The following TMEM106B variants were observed in gnomAD, a reference collection of about 807,000 sequenced individuals.
TMEM106B encodes transmembrane protein 106B.
A neutral mutation model predicts 31.1 loss-of-function variants in TMEM106B; 15 were observed. The observed-to-expected ratio is 0.48, with a 90% CI of 0.32 to 0.74. The LOEUF (loss-of-function observed/expected upper bound fraction) is 0.74, where lower values mean the gene tolerates loss of function less well. TMEM106B is among the 30% of genes least tolerant of loss of function. The pLI, the probability that TMEM106B is intolerant of heterozygous loss-of-function variation, is 0.03. For missense variants in TMEM106B, 283 were observed against 327.3 expected, an observed-to-expected ratio of 0.86 and a Z score of 1.04; for synonymous variants, 126 against 112.5, an observed-to-expected ratio of 1.12 and a Z score of -0.76.
At chr7:12,220,525 A>G (rs1781767113) in intron 3 of TMEM106B, among the ~76,000 whole-genome samples, 1 of 152,204 alleles carries the variant, frequency 6.6e-6, no homozygotes, top group Non-Finnish European at 1.5e-5. Flanking sequence ...ACATTTGAAA[A>G]GATGTCCAAT....
chr7:12,220,814 G>A (rs1036287809), intron 3 of TMEM106B, among the ~76,000 whole-genome samples: 3 of 152,120 alleles, frequency 2.0e-5, no homozygotes, highest in East Asian at 3.8e-4. Flanking sequence ...GCCAATGTTT[G>A]CAGAAGCAAA....
At chr7:12,230,815 G>A (rs1256008820) in intron 6 of TMEM106B, 1 of 347,998 alleles carries the variant, frequency 2.9e-6, no homozygotes, top group Non-Finnish European at 5.1e-6. Context: ...CAGAAGATGA[G>A]CAAAATATAT....
Position 12,243,067 on chromosome 7 carries a change from A to T in TMEM106B, c.*11092A>T, listed in dbSNP as rs1370990628. On this transcript the variant is annotated 3_prime_UTR_variant, in exon 8 of 8. Coordinates refer to ENST00000396668, the MANE Select transcript of TMEM106B (RefSeq NM_001134232.2). The stretch of plus-strand genomic sequence containing the variant: ...ATCATTAGATTTTTACAGAATCTTT[A>T]AAAAAGCTTTAATATTTTCAAGGTT... The T allele has an allele frequency of 6.6e-6, 1 of 152,064 alleles. No homozygotes were observed. The highest frequency in any genetic ancestry group is 6.6e-5 in the Admixed American group (1 of 15,256). The allele number at this position is 152,064 out of a possible 1,614,324, so 9.4% of individuals were successfully genotyped here.
At chr7:12,212,868 A>G (rs544214015) in intron 1 of TMEM106B, among the ~76,000 whole-genome samples, 15 of 152,364 alleles carry the variant, frequency 9.8e-5, no homozygotes, top group African/African-American at 3.1e-4. Flanking sequence ...AATTTTTGAA[A>G]GAAATACTAT....
Position 12,233,696 on chromosome 7 carries a change from T to C in TMEM106B, c.*1721T>C, listed in dbSNP as rs1782074048. The stretch of plus-strand genomic sequence containing the variant: ...AGTATTTAAAAAAAAAAAAATCATT[T>C]TCATTTTTCTTCTGCTACGTTTCCT... On this transcript the variant is annotated 3_prime_UTR_variant, in exon 8 of 8. Transcript: ENST00000396668. The C allele has an allele frequency of 6.6e-6, 1 of 151,606 alleles. No homozygotes were observed. Among genetic ancestry groups the C allele is most frequent in the Admixed American group, 6.6e-5 (1 of 15,210 alleles). The allele number at this position is 151,606 out of a possible 1,614,324, so 9.4% of individuals were successfully genotyped here. A position where few individuals can be genotyped will look rare whatever the true frequency, so the allele number is the denominator to read the frequency against.
rs1438282796 is a variant in TMEM106B, at chr7:12,237,679, A to AT, written c.*5705dup. 3 of 152,076 alleles carry AT rather than the reference A, an allele frequency of 2.0e-5. No individual in the cohort carries two copies. The highest frequency in any genetic ancestry group is 4.4e-5 in the Non-Finnish European group (3 of 68,016). 9.4% of individuals were successfully genotyped at this position (152,076 alleles called of 1,614,324 possible). On this transcript the variant is annotated 3_prime_UTR_variant, in exon 8 of 8. Transcript: ENST00000396668. ...CGAAAAACACAATATATATGCCTTA[A>AT]TAAAAAATAGGCTGTGTGCAGTGGC...
At chr7:12,213,938 C>G (rs143777145) in intron 1 of TMEM106B, among the ~76,000 whole-genome samples, 1 of 152,096 alleles carries the variant, frequency 6.6e-6, no homozygotes, top group Non-Finnish European at 1.5e-5. Flanking sequence ...GAACATGCCC[C>G]GTTGTACCTT....
intron 4 of TMEM106B, among the ~76,000 whole-genome samples, chr7:12,227,766 A>T (rs1781930213): frequency 7.2e-6 from 1 of 139,426 alleles, no homozygotes; most frequent in Non-Finnish European, 1.6e-5. Context: ...TTCATCTTTT[A>T]AATTAAATGG....
chr7:12,216,328 G>T (rs555675913), intron 2 of TMEM106B, among the ~76,000 whole-genome samples: 5 of 151,514 alleles, frequency 3.3e-5, no homozygotes, highest in South Asian at 2.1e-4. Flanking sequence ...GAGTTTTTTT[G>T]GGGGGGTTTG....
At chr7:12,212,269 T>A (rs1781595140) in intron 1 of TMEM106B, among the ~76,000 whole-genome samples, 1 of 152,174 alleles carries the variant, frequency 6.6e-6, no homozygotes, top group Non-Finnish European at 1.5e-5. Flanking sequence ...CTGTGTTGAC[T>A]GAGATCCCAG....
rs544474143 is a variant in TMEM106B, at chr7:12,217,822, A to G, written c.218-636A>G. 7.3e-4 allele frequency among the ~76,000 whole-genome samples: 111 copies of G among 152,310 alleles called. 1 individual carries two copies. Among genetic ancestry groups the G allele is most frequent in the African/African-American group, 2.5e-3 (104 of 41,572 alleles). ...AGTTAATATGATAAGCCAACTTCTA[A>G]TAAGATTATAAAATTGGCATTTAAA... is the stretch of plus-strand genomic sequence containing the variant. On this transcript the variant is annotated intron_variant, in intron 2 of 7. Transcript: ENST00000396668.
intron 3 of TMEM106B, among the ~76,000 whole-genome samples, chr7:12,222,561 G>C (rs1006499079): frequency 6.6e-6 from 1 of 152,130 alleles, no homozygotes; most frequent in Non-Finnish European, 1.5e-5. Context: ...ACAAAGTTCA[G>C]ATTTTATTAT....
intron 2 of TMEM106B, among the ~76,000 whole-genome samples, chr7:12,218,096 C>T (rs1781722736): frequency 6.6e-6 from 1 of 152,126 alleles, no homozygotes; most frequent in South Asian, 2.1e-4. Flanking sequence ...CAATATGTTT[C>T]TTCTTTTATC....
At chr7:12,212,605 AATTTT>A (rs1489154776) in intron 1 of TMEM106B, among the ~76,000 whole-genome samples, 1 of 151,880 alleles carries the variant, frequency 6.6e-6, no homozygotes, top group Admixed American at 6.6e-5. Context: ...ATGGCATGCG[AATTTT>A]ATTTATTTTT....
At chr7:12,226,775 C>T (rs922979348) in intron 4 of TMEM106B, among the ~76,000 whole-genome samples, 4 of 152,042 alleles carry the variant, frequency 2.6e-5, no homozygotes, top group Admixed American at 6.6e-5. Flanking sequence ...TCTTTAAAAA[C>T]AACAATATAG....
intron 3 of TMEM106B, among the ~76,000 whole-genome samples, chr7:12,222,910 T>G (rs1479251066): frequency 6.6e-6 from 1 of 152,234 alleles, no homozygotes; most frequent in Non-Finnish European, 1.5e-5. Context: ...ATACAAAGAT[T>G]AAATCCATCA....
Position 12,214,841 on chromosome 7 carries a change from C to T in TMEM106B, c.31C>T (p.His11Tyr). The change falls in exon 2 of 8, where the codon CAT becomes TAT. Residue 11 changes from histidine to tyrosine, a missense_variant. This residue lies in a region of TMEM106B where 77 missense variants were observed against 89.4 expected (regional missense o/e 0.86). Coordinates refer to ENST00000396668, the MANE Select transcript of TMEM106B (RefSeq NM_001134232.2). MGKSLSHLPL[H>Y]SSKEDAYDGV... The stretch of plus-strand genomic sequence containing the variant: ...AAAGTCTCTTTCTCATTTGCCTTTG[C>T]ATTCAAGCAAAGAAGATGCTTATGA... The T allele has an allele frequency of 1.2e-6, 2 of 1,613,358 alleles. No homozygotes were observed. Among genetic ancestry groups the T allele is most frequent in the Non-Finnish European group, 8.5e-7 (1 of 1,179,694 alleles).
chr7:12,218,661 T>C, intron 3 of TMEM106B, 140 bp downstream of exon 3: 1 of 686,146 alleles, frequency 1.5e-6, no homozygotes, highest in African/African-American at 1.8e-5. Context: ...TCATATGCTT[T>C]GTATCCTTAA....
intron 2 of TMEM106B, among the ~76,000 whole-genome samples, chr7:12,217,937 G>A (rs1341297053): frequency 6.6e-6 from 1 of 152,114 alleles, no homozygotes; most frequent in Non-Finnish European, 1.5e-5. Flanking sequence ...ATTGGGGTGA[G>A]ACCTGAAAGG....
Sources: gnomAD v4.1 joint callset for allele counts (sites outside exome capture counted in the v4.1 genomes callset) on GRCh38, gnomAD v4.1.1 for gene constraint, gnomAD v4.1.1 regional missense constraint, MANE v1.5 for transcripts, NCBI Gene and HGNC (gene_info 2026-07-23, HGNC 2026-07-21) for gene names.